Variants in TRIM37 observed in about 807,000 individuals in gnomAD.
TRIM37 encodes E3 ubiquitin-protein ligase TRIM37.
In TRIM37, 80 loss-of-function variants were observed where a neutral mutation model predicts 129.8. That is an observed-to-expected ratio of 0.62 (90% CI 0.51 to 0.74). The LOEUF (loss-of-function observed/expected upper bound fraction) is 0.74, where lower values mean the gene tolerates loss of function less well. Ranked by LOEUF, TRIM37 falls within the 30% of genes least tolerant of loss-of-function variation. The pLI, the probability that TRIM37 is intolerant of heterozygous loss-of-function variation, is 0.00. For missense variants in TRIM37, 1,054 were observed against 1,176.5 expected (o/e 0.90, Z 1.52); for synonymous variants, 389 against 387.1 (o/e 1.00, Z -0.06).
intron 19 of TRIM37, among the ~76,000 whole-genome samples, chr17:59,020,978 T>C (rs1431530224): frequency 6.6e-6 from 1 of 152,204 alleles, no homozygotes. Context: ...CTGCTGGTTA[T>C]ATACCCAAAA....
chr17:58,996,599 A>T (rs1213343643), downstream of TRIM37, among the ~76,000 whole-genome samples: 1 of 151,398 alleles, frequency 6.6e-6, no homozygotes, highest in East Asian at 1.9e-4. Context: ...GCCAGCCTGG[A>T]GTGAAACCCC....
intron 17 of TRIM37, among the ~76,000 whole-genome samples, chr17:59,039,060 C>T (rs1034555186): frequency 2.0e-4 from 31 of 152,126 alleles, no homozygotes; most frequent in African/African-American, 2.4e-5. Context: ...GCCTTCGTGT[C>T]CTTGGCTTTA....
chr17:59,018,459 G>A lies in TRIM37; in HGVS notation c.2258-1035C>T, dbSNP rs528977198. Among the ~76,000 whole-genome samples, 32 of 152,282 alleles carry A rather than the reference G, an allele frequency of 2.1e-4. No individual in the cohort carries two copies. In the South Asian group the frequency reaches 6.6e-3, roughly 32 times the overall value. On this transcript the variant is annotated intron_variant, in intron 19 of 23. Transcript: ENST00000262294. ...TAACTTATTGTATTTCTCTGCACTA[G>A]CAGACAATGTGAGAATGAAGTTAAG...
chr17:59,056,352 G>A (rs1275798543), intron 13 of TRIM37, among the ~76,000 whole-genome samples: 1 of 151,914 alleles, frequency 6.6e-6, no homozygotes, highest in East Asian at 1.9e-4. Context: ...TATCTTTAAT[G>A]GAATTGCTAA....
intron 9 of TRIM37, among the ~76,000 whole-genome samples, chr17:59,064,806 G>A (rs1599295273): frequency 2.0e-5 from 3 of 152,156 alleles, no homozygotes; most frequent in Admixed American, 6.5e-5. Context: ...AGCTACTTGG[G>A]AGGCTGAGGC....
intron 4 of TRIM37, among the ~76,000 whole-genome samples, chr17:59,086,000 A>G (rs984300394): frequency 6.6e-6 from 1 of 152,116 alleles, no homozygotes; most frequent in Admixed American, 6.6e-5. Context: ...ATAGAAACAG[A>G]AAGTACAATG....
At chr17:59,000,514 T>C (rs558398086) in intron 23 of TRIM37, among the ~76,000 whole-genome samples, 1 of 152,024 alleles carries the variant, frequency 6.6e-6, no homozygotes, top group Non-Finnish European at 1.5e-5. Context: ...GGTGGGAGAA[T>C]TGCTTGAACC....
At chr17:58,991,286 A>G (rs2032378987) in intron 24 of TRIM37, among the ~76,000 whole-genome samples, 1 of 151,966 alleles carries the variant, frequency 6.6e-6, no homozygotes, top group South Asian at 2.1e-4. Flanking sequence ...CTGTAATCCC[A>G]GCAATTTGGG....
At chr17:59,098,122 T>A (rs985932589) in intron 2 of TRIM37, among the ~76,000 whole-genome samples, 2 of 151,902 alleles carry the variant, frequency 1.3e-5, no homozygotes, top group Non-Finnish European at 2.9e-5. Context: ...AATAGAGAGG[T>A]AGAAATAAAC....
rs1251121847 is a variant in TRIM37, at chr17:58,998,316, A to C, written c.*1061T>G. ...ACGGAAGAGTGAACAATATTCACTA[A>C]GTAAAATACAGCAGATGAGATGTCT... On this transcript the variant is annotated 3_prime_UTR_variant, in exon 24 of 24. Coordinates refer to ENST00000262294, the MANE Select transcript of TRIM37 (RefSeq NM_015294.6). The C allele has an allele frequency of 2.0e-6, 2 of 985,104 alleles. No homozygotes were observed. Among genetic ancestry groups the C allele is most frequent in the Non-Finnish European group, 2.4e-6 (2 of 829,716 alleles). 61.0% of individuals were successfully genotyped at this position (985,104 alleles called of 1,614,324 possible).
At chr17:59,007,231 C>CCACCCACACACACACACACACACACACA (rs60395023) in intron 22 of TRIM37, among the ~76,000 whole-genome samples, 24 of 97,546 alleles carry the variant, frequency 2.5e-4, no homozygotes, top group Admixed American at 7.2e-4. Context: ...CCCCACCCAC[C>CCACCCACACACACACACACACACACACA]CACACACACA....
chr17:59,093,422 C>A (rs2044573438), intron 2 of TRIM37, among the ~76,000 whole-genome samples: 1 of 152,164 alleles, frequency 6.6e-6, no homozygotes, highest in African/African-American at 2.4e-5. Flanking sequence ...AGATATTCTT[C>A]AAAACCTTTC....
Position 59,079,850 on chromosome 17 carries a change from C to A in TRIM37, c.520G>T (p.Ala174Ser), listed in dbSNP as rs1207854488. The A allele has an allele frequency of 1.2e-6, 2 of 1,614,002 alleles. No homozygotes were observed. The highest frequency in any genetic ancestry group is 1.7e-6 in the Non-Finnish European group (2 of 1,179,914). Residue 174 changes from alanine to serine, a missense_variant, in exon 7 of 24, where the codon GCA becomes TCA. Ala to Ser is a moderately conservative substitution (Grantham distance 99). Around this residue, in one of 3 missense-constraint regions of TRIM37, gnomAD observed 752 missense variants for 870.8 expected, o/e 0.86. Transcript: ENST00000262294. ...VERNVEAVRN[A>S]KDERVREIRN... is the part of the protein sequence containing the mutation. The stretch of plus-strand genomic sequence containing the variant: ...ATTTCCCGAACACGCTCATCTTTTG[C>A]ATTTCTTACAGCTTCTACATTCCTT...
chr17:59,001,117 C>T (rs2033678170), intron 23 of TRIM37, among the ~76,000 whole-genome samples: 1 of 151,472 alleles, frequency 6.6e-6, no homozygotes, highest in East Asian at 1.9e-4. Flanking sequence ...ATCGCTTGAA[C>T]CCAGGAGGCG....
rs2039963759 is a variant in TRIM37, at chr17:59,047,747, T to C, written c.1603A>G (p.Ser535Gly). The change falls in exon 16 of 24, where the codon AGT (serine) becomes GGT (glycine). Residue 535 changes from serine (S) to glycine (G), a missense_variant. Coordinates refer to ENST00000262294, the MANE Select transcript of TRIM37 (RefSeq NM_015294.6). Reference protein sequence around the residue: ...EDEVNQLDGSSSSASSTATSN... With the variant: ...EDEVNQLDGSGSSASSTATSN... Reference sequence around the variant, plus strand: ...GTTGCTGTGGAACTAGCAGAGGAACTGCTGCCATCGAGCTGATTTACTTCA... The same window carrying C: ...GTTGCTGTGGAACTAGCAGAGGAACCGCTGCCATCGAGCTGATTTACTTCA... 4 of 1,614,118 alleles carry C rather than the reference T, an allele frequency of 2.5e-6. No individual in the cohort carries two copies. Among genetic ancestry groups the C allele is most frequent in the Non-Finnish European group, 3.4e-6 (4 of 1,179,996 alleles).
chr17:59,052,957 A>AAAATC (rs60696585), intron 13 of TRIM37, among the ~76,000 whole-genome samples: 24,808 of 142,290 alleles, frequency 0.17, 2,261 homozygotes, highest in Admixed American at 0.22. Context: ...TCTGTCTCAA[A>AAAATC]AAATCAAATC....
intron 3 of TRIM37, among the ~76,000 whole-genome samples, chr17:59,090,373 T>A (rs1309019232): frequency 6.6e-6 from 1 of 152,066 alleles, no homozygotes; most frequent in African/African-American, 2.4e-5. Flanking sequence ...AGAAAAAGCA[T>A]ATGGGAATCA....
rs1792463467 is a variant in TRIM37, at chr17:59,104,309, C to T, written c.107G>A (p.Cys36Tyr). The T allele has an allele frequency of 6.2e-7, 1 of 1,613,992 alleles. No homozygotes were observed. Among genetic ancestry groups the T allele is most frequent in the Non-Finnish European group, 8.5e-7 (1 of 1,180,008 alleles). The change falls in exon 2 of 24, where the codon TGT (cysteine) becomes TAT (tyrosine). Residue 36 changes from cysteine (C) to tyrosine (Y), a missense_variant. Physicochemically the swap from Cys to Tyr is radical, Grantham distance 194. Coordinates refer to ENST00000262294, the MANE Select transcript of TRIM37 (RefSeq NM_015294.6). ...RLCPHCSKLC[C>Y]FSCIRRWLTE... ...ACAACTTACCCTAATACAGCTGAAA[C>T]AACACAGTTTGGAGCAATGAGGACA...
At chr17:58,969,736 C>G in the TRIM37 span, 1 of 1,613,278 alleles carries the variant, frequency 6.2e-7, no homozygotes, top group Non-Finnish European at 8.5e-7. Context: ...AGGTATGCCC[C>G]TTTCTCATAA....
Sources: allele counts gnomAD v4.1 joint callset (sites outside exome capture counted in the v4.1 genomes callset), GRCh38; gene constraint gnomAD v4.1.1; regional missense constraint gnomAD v4.1.1; transcripts MANE v1.5; gene names NCBI Gene and HGNC (gene_info 2026-07-23, HGNC 2026-07-21).